Variants in MBNL1 observed in about 807,000 individuals in gnomAD.
MBNL1 encodes muscleblind-like protein 1.
MBNL1 carries 8 observed loss-of-function variants against 42.2 expected under a neutral mutation model. The observed-to-expected ratio is 0.19, with a 90% CI of 0.11 to 0.34. The LOEUF is 0.34. Ranked by LOEUF, MBNL1 falls within the 10% of genes least tolerant of loss-of-function variation. The pLI is 1.00. For missense variants in MBNL1, 309 were observed against 495.3 expected, an observed-to-expected ratio of 0.62 and a Z score of 3.57; for synonymous variants, 169 against 173.9, an observed-to-expected ratio of 0.97 and a Z score of 0.22.
intron 2 of MBNL1, chr3:152,396,125 TCTAATGCCTGATGATCAGTCA>T (rs2097919991): frequency 3.1e-6 from 1 of 318,288 alleles, no homozygotes; most frequent in African/African-American, 2.3e-5. Flanking sequence ...TTTATGAGAA[TCTAATGCCTGATGATCAGTCA>T]CTGTCTCCTG....
rs903010439 is a variant in MBNL1, at chr3:152,272,200, A to C, written c.-790+3108A>C. On this transcript the variant is annotated intron_variant, in intron 1 of 9. Transcript: ENST00000324210. ...AAAGATTTTGCTGGTCAAAACAATAAAATTGGCTTATTTTATTATACATAG... is the reference window on the plus strand; with the variant it reads ...AAAGATTTTGCTGGTCAAAACAATACAATTGGCTTATTTTATTATACATAG... Among the ~76,000 whole-genome samples, 6 of 152,296 alleles carry C rather than the reference A, an allele frequency of 3.9e-5. No homozygotes were observed. In the East Asian group the frequency reaches 1.2e-3, roughly 29 times the overall value.
At chr3:152,444,758 A>G (rs2099197618) in intron 4 of MBNL1, among the ~76,000 whole-genome samples, 1 of 152,184 alleles carries the variant, frequency 6.6e-6, no homozygotes, top group Admixed American at 6.5e-5. Context: ...TCTGTCTTGC[A>G]TGACCTTGAC....
chr3:152,455,181 T>C (rs1369731908), intron 6 of MBNL1, among the ~76,000 whole-genome samples: 1 of 152,148 alleles, frequency 6.6e-6, no homozygotes, highest in African/African-American at 2.4e-5. Context: ...AAGTCAGAAA[T>C]AGCAAAACGA....
chr3:152,377,510 A>T (rs1189520455), intron 2 of MBNL1, among the ~76,000 whole-genome samples: 1 of 152,238 alleles, frequency 6.6e-6, no homozygotes, highest in African/African-American at 2.4e-5. Flanking sequence ...CCTATTGAAT[A>T]GAATTTTAGG....
intron 2 of MBNL1, chr3:152,338,501 A>G: frequency 2.0e-6 from 2 of 985,360 alleles, no homozygotes; most frequent in Non-Finnish European, 2.4e-6. Flanking sequence ...GCTGTGGCTC[A>G]GTGATCCTGC....
At chr3:152,333,816 A>C (rs75052863) in intron 2 of MBNL1, among the ~76,000 whole-genome samples, 10,782 of 152,304 alleles carry the variant, frequency 0.071, 504 homozygotes, top group Middle Eastern at 0.16. Context: ...GTTAACAATA[A>C]ATGTGCAATA....
intron 2 of MBNL1, among the ~76,000 whole-genome samples, chr3:152,352,994 G>A (rs918898609): frequency 2.6e-5 from 4 of 152,268 alleles, no homozygotes; most frequent in African/African-American, 9.6e-5. Context: ...ATGATGAATA[G>A]TTTACAAACA....
chr3:152,416,213 A>C (rs2098699852), intron 3 of MBNL1, among the ~76,000 whole-genome samples: 1 of 152,220 alleles, frequency 6.6e-6, no homozygotes, highest in Non-Finnish European at 1.5e-5. Flanking sequence ...TTGCATTTCA[A>C]GGTGGGAGGA....
chr3:152,458,217 G>A (rs1439023202), intron 8 of MBNL1: 1 of 1,610,398 alleles, frequency 6.2e-7, no homozygotes, highest in East Asian at 2.2e-5. Context: ...CATTATGCTT[G>A]GAGCACATTT....
At chr3:152,384,283 T>G (rs2097312496) in intron 2 of MBNL1, among the ~76,000 whole-genome samples, 1 of 152,096 alleles carries the variant, frequency 6.6e-6, no homozygotes, top group Admixed American at 6.6e-5. Flanking sequence ...GTTAGGCTTT[T>G]TATCCATGTT....
At chr3:152,454,502 A>G (rs1055627742) in intron 6 of MBNL1, among the ~76,000 whole-genome samples, 1 of 152,236 alleles carries the variant, frequency 6.6e-6, no homozygotes, top group Non-Finnish European at 1.5e-5. Context: ...CATAGAAAGA[A>G]CAGTAGTTCT....
intron 2 of MBNL1, among the ~76,000 whole-genome samples, chr3:152,338,881 T>C (rs1258442266): frequency 6.6e-6 from 1 of 152,176 alleles, no homozygotes; most frequent in Non-Finnish European, 1.5e-5. Context: ...TATATTAAAT[T>C]TGGCATGGAA....
chr3:152,433,005 C>A, intron 4 of MBNL1, 85 bp downstream of exon 4: 1 of 1,278,476 alleles, frequency 7.8e-7, no homozygotes. Context: ...TTTCCATGGC[C>A]AAAAAGTTGT....
At chr3:152,453,621 G>A (rs1473822394) in intron 6 of MBNL1, among the ~76,000 whole-genome samples, 1 of 152,154 alleles carries the variant, frequency 6.6e-6, no homozygotes, top group Non-Finnish European at 1.5e-5. Flanking sequence ...GGGTCCTACA[G>A]CATTATGTCC....
In MBNL1 at chr3:152,447,481, G is replaced by T. The variant is rs115924453; in HGVS notation, c.808-139G>T. The T allele has an allele frequency of 6.0e-3, 1,725 of 288,238 alleles. 2 individuals carry two copies. The highest frequency in any genetic ancestry group is 8.7e-3 in the Non-Finnish European group (1,317 of 151,910). 17.9% of individuals were successfully genotyped at this position (288,238 alleles called of 1,614,324 possible). A position where few individuals can be genotyped will look rare whatever the true frequency, so the allele number is the denominator to read the frequency against. On this transcript the variant is annotated intron_variant, in intron 5 of 9. Transcript: ENST00000324210. Reference sequence around the variant, plus strand: ...TTTCCTCCTTAATTTTTTGTTCATTGGATTTTTTCCCTCGGGTAGTTAAGT... The same window carrying T: ...TTTCCTCCTTAATTTTTTGTTCATTTGATTTTTTCCCTCGGGTAGTTAAGT...
chr3:152,261,483 A>C (rs1313630537), intron 2 of MBNL1, among the ~76,000 whole-genome samples: 1 of 152,156 alleles, frequency 6.6e-6, no homozygotes, highest in African/African-American at 2.4e-5. Flanking sequence ...ATTAGGGTTA[A>C]CAAGCTATCC....
chr3:152,399,770 T>C (rs2098134947), intron 2 of MBNL1, among the ~76,000 whole-genome samples: 1 of 152,180 alleles, frequency 6.6e-6, no homozygotes, highest in Admixed American at 6.5e-5. Flanking sequence ...CCCAAAGTAC[T>C]GGGATTACAG....
rs953443182 is a variant in MBNL1 at position 152,286,290 on chromosome 3, A to G, written c.-789-13115A>G. Among the ~76,000 whole-genome samples, 99 of 145,006 alleles carry G rather than the reference A, an allele frequency of 6.8e-4. 6 individuals carry two copies. Among genetic ancestry groups the G allele is most frequent in the Non-Finnish European group, 1.2e-3 (81 of 66,010 alleles). ...TTATTTTATATTTTATTTATAATAC[A>G]AATATTTAATTATATTTTATTTATA... is the stretch of plus-strand genomic sequence containing the variant. On this transcript the variant is annotated intron_variant, in intron 1 of 9. Transcript: ENST00000324210.
At chr3:152,371,315 G>T (rs952608931) in intron 2 of MBNL1, among the ~76,000 whole-genome samples, 1 of 152,100 alleles carries the variant, frequency 6.6e-6, no homozygotes, top group African/African-American at 2.4e-5. Flanking sequence ...TAAGAATGTT[G>T]TGCCAGGCAC....
Sources: allele counts gnomAD v4.1 joint callset (sites outside exome capture counted in the v4.1 genomes callset), GRCh38; gene constraint gnomAD v4.1.1; transcripts MANE v1.5; gene names NCBI Gene and HGNC (gene_info 2026-07-23, HGNC 2026-07-21).